MAP1B: variants seen among roughly 807,000 people sequenced by gnomAD.
MAP1B encodes microtubule-associated protein 1B.
In MAP1B, 12 loss-of-function variants were observed where a neutral mutation model predicts 176.1. The ratio of observed to expected loss-of-function variants is 0.07; its 90% confidence interval spans 0.04 to 0.11. The LOEUF (loss-of-function observed/expected upper bound fraction) is 0.11, where lower values mean the gene tolerates loss of function less well. MAP1B is among the 10% of genes least tolerant of loss of function. The probability of loss-of-function intolerance (pLI) is 1.00; values close to 1 mark genes in which losing one functional copy is unlikely to be tolerated. For synonymous variants in MAP1B, 1,044 were observed against 1,135.0 expected, an observed-to-expected ratio of 0.92 and a Z score of 1.61; for missense variants, 2,523 against 2,990.5, an observed-to-expected ratio of 0.84 and a Z score of 3.65.
chr5:72,153,602 T>TGTG (rs375480901), intron 2 of MAP1B, among the ~76,000 whole-genome samples: 51 of 151,510 alleles, frequency 3.4e-4, no homozygotes, highest in Non-Finnish European at 4.9e-4. Flanking sequence ...ATATGTGGCG[T>TGTG]GTGGTGGTGG....
intron 2 of MAP1B, among the ~76,000 whole-genome samples, chr5:72,129,273 G>C (rs535731034): frequency 1.3e-5 from 2 of 152,296 alleles, no homozygotes; most frequent in African/African-American, 2.4e-5. Context: ...CAAGTAAATA[G>C]GGCCGGGTGT....
chr5:72,126,997 C>T (rs1745643441), intron 2 of MAP1B, among the ~76,000 whole-genome samples: 2 of 152,214 alleles, frequency 1.3e-5, no homozygotes, highest in African/African-American at 4.8e-5. Flanking sequence ...ACATATGTTT[C>T]CCATTAAAAT....
intron 2 of MAP1B, among the ~76,000 whole-genome samples, chr5:72,157,309 A>G (rs1289733976): frequency 6.6e-6 from 1 of 152,230 alleles, no homozygotes; most frequent in African/African-American, 2.4e-5. Flanking sequence ...AAGTACCATT[A>G]GTGGTATTAT....
rs1747403200 is a variant in MAP1B, at chr5:72,204,603, C to T, written c.7252-481C>T. On this transcript the variant is annotated intron_variant, in intron 6 of 6. Transcript: ENST00000296755. The surrounding 1 kb of genome is among the most constrained non-coding windows in gnomAD (Gnocchi z 4.4). ...TATACTATTCAGGACATTACTTACCCACCCCATACCTCCATCCCCAACCAC... is the reference window on the plus strand; with the variant it reads ...TATACTATTCAGGACATTACTTACCTACCCCATACCTCCATCCCCAACCAC... 6.6e-6 allele frequency among the ~76,000 whole-genome samples: 1 copy of T among 152,172 alleles called. No individual in the cohort carries two copies. The highest frequency in any genetic ancestry group is 2.1e-4 in the South Asian group (1 of 4,828).
At chr5:72,113,560 T>C (rs1745381065) in intron 1 of MAP1B, among the ~76,000 whole-genome samples, 1 of 152,242 alleles carries the variant, frequency 6.6e-6, no homozygotes, top group African/African-American at 2.4e-5. Context: ...CAAGTAACAA[T>C]GTAAGAGCAA....
intron 2 of MAP1B, among the ~76,000 whole-genome samples, chr5:72,144,865 C>A (rs182575276): frequency 1.7e-4 from 26 of 152,262 alleles, no homozygotes; most frequent in Admixed American, 1.0e-3. Flanking sequence ...GAAGAGGCTG[C>A]GTGGGAGAGG....
At chr5:72,140,338 A>G (rs1326276442) in intron 2 of MAP1B, among the ~76,000 whole-genome samples, 1 of 152,252 alleles carries the variant, frequency 6.6e-6, no homozygotes, top group Non-Finnish European at 1.5e-5. Flanking sequence ...TTGAAACAAA[A>G]GTTTAACAAA....
chr5:72,123,760 A>G (rs1444887758), intron 2 of MAP1B, among the ~76,000 whole-genome samples: 2 of 152,208 alleles, frequency 1.3e-5, no homozygotes, highest in African/African-American at 4.8e-5. Context: ...CTGGGATTAC[A>G]GGCGTGAGCC....
chr5:72,126,257 G>A (rs923317111), intron 2 of MAP1B, among the ~76,000 whole-genome samples: 4 of 152,206 alleles, frequency 2.6e-5, no homozygotes, highest in African/African-American at 9.6e-5. Flanking sequence ...GGTGCTCCCT[G>A]AAGAGCTGCT....
At chr5:72,187,523 C>A (rs1746934056) in intron 4 of MAP1B, among the ~76,000 whole-genome samples, 1 of 152,140 alleles carries the variant, frequency 6.6e-6, no homozygotes, top group Non-Finnish European at 1.5e-5. Flanking sequence ...CAGACCCATC[C>A]CCATAGCAGG....
intron 2 of MAP1B, among the ~76,000 whole-genome samples, chr5:72,154,336 T>A (rs1192577492): frequency 6.6e-6 from 1 of 152,240 alleles, no homozygotes; most frequent in Non-Finnish European, 1.5e-5. Context: ...GATATCGGGC[T>A]GGCATATTTT....
intron 2 of MAP1B, among the ~76,000 whole-genome samples, chr5:72,138,690 A>G (rs138603685): frequency 6.6e-6 from 1 of 152,358 alleles, no homozygotes; most frequent in African/African-American, 2.4e-5. Context: ...GGCCTGCATT[A>G]TTATAAACCA....
intron 2 of MAP1B, among the ~76,000 whole-genome samples, chr5:72,179,438 C>T (rs1314021513): frequency 6.6e-6 from 1 of 152,224 alleles, no homozygotes; most frequent in East Asian, 1.9e-4. Context: ...GAGACCTTTA[C>T]AAGCCAGGGT....
rs150487096 is a variant in MAP1B at position 72,200,179 on chromosome 5, C to T, written c.6824C>T (p.Ala2275Val). 1.5e-5 allele frequency: 25 copies of T among 1,614,082 alleles called. No individual in the cohort carries two copies. The highest frequency in any genetic ancestry group is 1.6e-4 in the Middle Eastern group (1 of 6,084). Reference protein sequence around the residue: ...SKPLAASPKPAGLKESSDKVS... With the variant: ...SKPLAASPKPVGLKESSDKVS... ...CCCTTGGCAGCTTCACCAAAACCAG[C>T]GGGCTTGAAAGAATCCTCGGATAAA... is the stretch of plus-strand genomic sequence containing the variant. The change falls in exon 5 of 7, where the codon GCG becomes GTG. Residue 2275 changes from alanine (A) to valine (V), a missense_variant. By Grantham distance (64) the Ala-to-Val change is moderately conservative. This residue lies in a region of MAP1B where 287 missense variants were observed against 401.5 expected (regional missense o/e 0.71). Transcript: ENST00000296755.
intron 2 of MAP1B, among the ~76,000 whole-genome samples, chr5:72,177,584 C>T (rs1454564492): frequency 1.3e-5 from 2 of 152,178 alleles, no homozygotes; most frequent in Admixed American, 1.3e-4. Context: ...TCAGGCGTCT[C>T]CCCTCCTGCC....
At chr5:72,183,853 G>A in intron 3 of MAP1B, 28 bp downstream of exon 3, 1 of 1,604,570 alleles carries the variant, frequency 6.2e-7, no homozygotes, top group South Asian at 1.1e-5. Context: ...TAGAATCTGG[G>A]GCCGGGCCCC....
chr5:72,109,152 A>G (rs1014431273), intron 1 of MAP1B, among the ~76,000 whole-genome samples: 4 of 152,184 alleles, frequency 2.6e-5, no homozygotes, highest in African/African-American at 4.8e-5. Flanking sequence ...TGTCCCCAGA[A>G]CAAAAGGCTG....
chr5:72,188,828 T>C (rs1746966475), intron 4 of MAP1B, among the ~76,000 whole-genome samples: 1 of 152,204 alleles, frequency 6.6e-6, no homozygotes, highest in Non-Finnish European at 1.5e-5. Flanking sequence ...CATATTTTGA[T>C]TATACTCAGG....
chr5:72,171,312 C>T (rs967149535), intron 2 of MAP1B, among the ~76,000 whole-genome samples: 1 of 152,034 alleles, frequency 6.6e-6, no homozygotes, highest in African/African-American at 2.4e-5. Context: ...AGAAGGACAG[C>T]TGCAGTGGCT....
Sources: gnomAD v4.1 joint callset for allele counts (sites outside exome capture counted in the v4.1 genomes callset) on GRCh38, gnomAD v4.1.1 for gene constraint, gnomAD v4.1.1 regional missense constraint, Gnocchi (gnomAD v3.1) non-coding constraint, MANE v1.5 for transcripts, NCBI Gene and HGNC (gene_info 2026-07-23, HGNC 2026-07-21) for gene names.